The following MYC variants were observed in gnomAD, a reference collection of about 807,000 sequenced individuals.
The protein encoded by MYC is myc proto-oncogene protein.
Under a neutral mutation model 30.5 loss-of-function variants are expected in MYC, and 1 was observed. That is an observed-to-expected ratio of 0.03 (90% CI 0.01 to 0.16). The LOEUF (loss-of-function observed/expected upper bound fraction) is 0.16, where lower values mean the gene tolerates loss of function less well. Among genes scored for constraint, MYC ranks in the 10% least tolerant of loss-of-function variants. The pLI, the probability that MYC is intolerant of heterozygous loss-of-function variation, is 1.00. For missense variants in MYC, 508 were observed against 589.0 expected (o/e 0.86, Z 1.42); for synonymous variants, 267 against 250.7 (o/e 1.07, Z -0.62).
rs1813712012 is a variant in MYC at position 127,741,498 on chromosome 8, C to T, written c.*540C>T. 1 of 197,506 alleles carries T rather than the reference C, an allele frequency of 5.1e-6. No individual in the cohort carries two copies. The highest frequency in any genetic ancestry group is 2.3e-5 in the African/African-American group (1 of 43,602). The allele number at this position is 197,506 out of a possible 1,614,324, so 12.2% of individuals were successfully genotyped here. Reference sequence around the variant, plus strand: ...CACCACCATCCCTGTTTGTTTTCATCAATTGCCCCTTCAGAGGGTGGTCTT... The same window carrying T: ...CACCACCATCCCTGTTTGTTTTCATTAATTGCCCCTTCAGAGGGTGGTCTT... On this transcript the variant is annotated 3_prime_UTR_variant, in exon 3 of 3. Coordinates refer to ENST00000621592, the MANE Select transcript of MYC (RefSeq NM_002467.6).
chr8:127,738,123 T>A lies in MYC; in HGVS notation c.31-125T>A, dbSNP rs1195207753. The stretch of plus-strand genomic sequence containing the variant: ...TCCCCCACCAAGACCACCCAGCCGC[T>A]TTAGGGGATAGCTCTGCAAGGGGAG... On this transcript the variant is annotated intron_variant, in intron 1 of 2. Transcript: ENST00000621592. The surrounding 1 kb of genome is among the most constrained non-coding windows in gnomAD (Gnocchi z 7.6). 1.6e-6 allele frequency: 2 copies of A among 1,218,476 alleles called. No individual in the cohort carries two copies. The highest frequency in any genetic ancestry group is 2.3e-6 in the Non-Finnish European group (2 of 887,486). The allele number at this position is 1,218,476 out of a possible 1,614,324, so 75.5% of individuals were successfully genotyped here.
In MYC at chr8:127,736,252, C is replaced by A; in HGVS notation, c.-342C>A. ...ATCTAACTCGCTGTAGTAATTCCAG[C>A]GAGAGGCAGAGGGAGCGAGCGGGCG... On this transcript the variant is annotated 5_prime_UTR_variant, in exon 1 of 3. Coordinates refer to ENST00000621592, the MANE Select transcript of MYC (RefSeq NM_002467.6). 1 of 531,236 alleles carries A rather than the reference C, an allele frequency of 1.9e-6. No individual in the cohort carries two copies. Among genetic ancestry groups the A allele is most frequent in the Non-Finnish European group, 3.3e-6 (1 of 303,062 alleles). The allele number at this position is 531,236 out of a possible 1,614,324, so 32.9% of individuals were successfully genotyped here. A position where few individuals can be genotyped will look rare whatever the true frequency, so the allele number is the denominator to read the frequency against.
chr8:127,736,357 G>A lies in MYC; in HGVS notation c.-237G>A, dbSNP rs1813588946. 5.0e-6 allele frequency: 3 copies of A among 602,588 alleles called. No homozygotes were observed. The highest frequency in any genetic ancestry group is 4.4e-4 in the Middle Eastern group (1 of 2,274). 37.3% of individuals were successfully genotyped at this position (602,588 alleles called of 1,614,324 possible). On this transcript the variant is annotated 5_prime_UTR_variant, in exon 1 of 3. Coordinates refer to ENST00000621592, the MANE Select transcript of MYC (RefSeq NM_002467.6). ...AAGGGAGATCCGGAGCGAATAGGGG[G>A]CTTCGCCTCTGGCCCAGCCCTCCCG...
chr8:127,740,068 C>G (rs1363531797), intron 2 of MYC, among the ~76,000 whole-genome samples: 1 of 151,616 alleles, frequency 6.6e-6, no homozygotes, highest in South Asian at 2.1e-4. Flanking sequence ...AAGAGATTCT[C>G]CTGCCTCAGC....
Position 127,740,707 on chromosome 8 carries a change from C to A in MYC, c.1114C>A (p.Arg372=), listed in dbSNP as rs1416676173. 6.2e-7 allele frequency: 1 copy of A among 1,614,014 alleles called. No individual in the cohort carries two copies. The highest frequency in any genetic ancestry group is 2.2e-5 in the East Asian group (1 of 44,880). The change falls in exon 3 of 3, where the codon CGA becomes AGA. Residue 372 remains arginine, a synonymous_variant. Transcript: ENST00000621592. ...GGACACCGAGGAGAATGTCAAGAGG[C>A]GAACACACAACGTCTTGGAGCGCCA...
At chr8:127,740,204 C>G (rs755856632) in intron 2 of MYC, among the ~76,000 whole-genome samples, 192 bp from the exon 3 acceptor site, 2 of 152,072 alleles carry the variant, frequency 1.3e-5, no homozygotes, top group South Asian at 4.2e-4. Flanking sequence ...CCGCCCACCT[C>G]GGCCTCCCAA....
chr8:127,737,699 G>T (rs1022182321), intron 1 of MYC, among the ~76,000 whole-genome samples: 1 of 151,924 alleles, frequency 6.6e-6, no homozygotes, highest in African/African-American at 2.4e-5. Flanking sequence ...GGGGACGGGG[G>T]CGGTGGAGAG....
chr8:127,738,855 C>A lies in MYC; in HGVS notation c.638C>A (p.Pro213His). The A allele has an allele frequency of 6.2e-7, 1 of 1,612,270 alleles. No homozygotes were observed. Residue 213 changes from proline (P) to histidine (H), a missense_variant, in exon 2 of 3, where the codon CCT becomes CAT. Pro to His is a moderately conservative substitution (Grantham distance 77). Transcript: ENST00000621592. This position sits in a 1 kb window ranked among gnomAD's most constrained non-coding sequence, Gnocchi z 7.6. ...GACCCCTCGGTGGTCTTCCCCTACC[C>A]TCTCAACGACAGCAGCTCGCCCAAG...
Position 127,740,691 on chromosome 8 carries a change from G to A in MYC, c.1098G>A (p.Glu366=), listed in dbSNP as rs538226450. The A allele has an allele frequency of 1.2e-6, 2 of 1,614,146 alleles. No individual in the cohort carries two copies. Among genetic ancestry groups the A allele is most frequent in the Admixed American group, 1.7e-5 (1 of 60,020 alleles). ...CCAGCCCCAGGTCCTCGGACACCGA[G>A]GAGAATGTCAAGAGGCGAACACACA... The change falls in exon 3 of 3, where the codon GAG becomes GAA. Residue 366 remains glutamate, a synonymous_variant. Transcript: ENST00000621592.
rs2130093333 is a variant in MYC, at chr8:127,738,427, G to A, written c.210G>A (p.Leu70=). 6.2e-7 allele frequency: 1 copy of A among 1,611,990 alleles called. No individual in the cohort carries two copies. Among genetic ancestry groups the A allele is most frequent in the African/African-American group, 1.3e-5 (1 of 75,002 alleles). The change falls in exon 2 of 3, where the codon CTG becomes CTA. Residue 70 remains leucine, a synonymous_variant. Transcript: ENST00000621592. The surrounding 1 kb of genome is among the most constrained non-coding windows in gnomAD (Gnocchi z 7.6). ...AGGATATCTGGAAGAAATTCGAGCT[G>A]CTGCCCACCCCGCCCCTGTCCCCTA...
upstream of MYC, chr8:127,736,022 A>C (rs1813579853): frequency 5.0e-6 from 2 of 396,334 alleles, no homozygotes; most frequent in Non-Finnish European, 8.9e-6. Flanking sequence ...TCTCTCGCTA[A>C]TCTCCGCCCA....
intron 1 of MYC, among the ~76,000 whole-genome samples, chr8:127,737,625 C>T (rs1282227960): frequency 6.7e-6 from 1 of 149,744 alleles, no homozygotes; most frequent in African/African-American, 2.5e-5. Flanking sequence ...CTCGCCACTC[C>T]AGCCGGCGAG....
upstream of MYC, chr8:127,736,023 T>C (rs1433341949): frequency 4.2e-6 from 1 of 239,692 alleles, no homozygotes; most frequent in Non-Finnish European, 7.7e-6. Flanking sequence ...CTCTCGCTAA[T>C]CTCCGCCCAC....
In MYC at chr8:127,736,537, C is replaced by A. The variant is rs1011185108; in HGVS notation, c.-57C>A. 6.2e-6 allele frequency: 10 copies of A among 1,604,646 alleles called. No individual in the cohort carries two copies. Among genetic ancestry groups the A allele is most frequent in the Middle Eastern group, 1.9e-4 (1 of 5,394 alleles). ...CTATTCTGCCCATTTGGGGACACTT[C>A]CCCGCCGCTGCCAGGACCCGCTTCT... On this transcript the variant is annotated 5_prime_UTR_variant, in exon 1 of 3. Coordinates refer to ENST00000621592, the MANE Select transcript of MYC (RefSeq NM_002467.6).
rs1487561208 is a variant in MYC at position 127,740,908 on chromosome 8, C to A, written c.1315C>A (p.Arg439=). 6.2e-7 allele frequency: 1 copy of A among 1,601,144 alleles called. No homozygotes were observed. The highest frequency in any genetic ancestry group is 8.5e-7 in the Non-Finnish European group (1 of 1,175,626). The change falls in exon 3 of 3, where the codon CGA becomes AGA. Residue 439 remains arginine, a synonymous_variant. Transcript: ENST00000621592. ...TGAAGAGGACTTGTTGCGGAAACGA[C>A]GAGAACAGTTGAAACACAAACTTGA...
In MYC at chr8:127,742,477, C is replaced by CT. The variant is rs1423170080; in HGVS notation, c.*1526dup. ...TAAGCCTGGTCAGGCATCAGTTCCC[C>CT]TTTTTTTGTGATTTATTTTGTTTTT... On this transcript the variant is annotated 3_prime_UTR_variant, in exon 3 of 3. Transcript: ENST00000621592. 6.6e-6 allele frequency among the ~76,000 whole-genome samples: 1 copy of CT among 152,122 alleles called. No homozygotes were observed. Among genetic ancestry groups the CT allele is most frequent in the Admixed American group, 6.6e-5 (1 of 15,264 alleles).
At position 127,738,386 on chromosome 8, in the gene MYC, C is replaced by T. The variant is rs1057519849; in HGVS notation, c.169C>T (p.Pro57Ser). Residue 57 changes from proline (P) to serine (S), a missense_variant, in exon 2 of 3, where the codon CCC becomes TCC. By Grantham distance (74) the Pro-to-Ser change is moderately conservative. Transcript: ENST00000621592. This position sits in a 1 kb window ranked among gnomAD's most constrained non-coding sequence, Gnocchi z 7.6. Reference sequence around the variant, plus strand: ...GCAGCAGCAGCAGAGCGAGCTGCAGCCCCCGGCGCCCAGCGAGGATATCTG... The same window carrying T: ...GCAGCAGCAGCAGAGCGAGCTGCAGTCCCCGGCGCCCAGCGAGGATATCTG... 1.9e-6 allele frequency: 3 copies of T among 1,613,630 alleles called. No individual in the cohort carries two copies. Among genetic ancestry groups the T allele is most frequent in the East Asian group, 4.5e-5 (2 of 44,858 alleles).
At chr8:127,736,196 G>A (rs1233581573), upstream of MYC, 1 of 473,520 alleles carries the variant, frequency 2.1e-6, no homozygotes, top group Non-Finnish European at 3.7e-6. Context: ...GAGGGATCGC[G>A]CTGAGTATAA....
Position 127,742,832 on chromosome 8 carries a change from G to T in MYC, c.*1874G>T, listed in dbSNP as rs981232062. On this transcript the variant is annotated 3_prime_UTR_variant, in exon 3 of 3. Transcript: ENST00000621592. Reference sequence around the variant, plus strand: ...ATGTTGATTATATAGGTAAATGAAGGATGCTATTGCTGTTCTAATTACCTC... The same window carrying T: ...ATGTTGATTATATAGGTAAATGAAGTATGCTATTGCTGTTCTAATTACCTC... 6.6e-6 allele frequency among the ~76,000 whole-genome samples: 1 copy of T among 152,168 alleles called. No individual in the cohort carries two copies. The highest frequency in any genetic ancestry group is 1.5e-5 in the Non-Finnish European group (1 of 68,032).
Sources: gnomAD v4.1 joint callset for allele counts (sites outside exome capture counted in the v4.1 genomes callset) on GRCh38, gnomAD v4.1.1 for gene constraint, Gnocchi (gnomAD v3.1) non-coding constraint, MANE v1.5 for transcripts, NCBI Gene and HGNC (gene_info 2026-07-23, HGNC 2026-07-21) for gene names.